ANKS1B: variants seen among roughly 807,000 people sequenced by gnomAD.
The protein encoded by ANKS1B is ankyrin repeat and sterile alpha motif domain containing 1B.
A neutral mutation model predicts 148.3 loss-of-function variants in ANKS1B; 36 were observed. The ratio of observed to expected loss-of-function variants is 0.24; its 90% CI spans 0.19 to 0.32. ANKS1B has a LOEUF of 0.32. ANKS1B is among the 10% of genes least tolerant of loss of function. ANKS1B has a pLI of 1.00. For missense variants in ANKS1B, 1,157 were observed against 1,542.6 expected (o/e 0.75, Z 4.19); for synonymous variants, 542 against 560.8 (o/e 0.97, Z 0.47).
intron 1 of ANKS1B, among the ~76,000 whole-genome samples, chr12:99,912,571 G>T (rs7303564): frequency 0.6 from 91,442 of 151,866 alleles, 28,616 homozygotes; most frequent in Middle Eastern, 0.7. Flanking sequence ...AGGCTGGTCT[G>T]GAACTCCCGG....
intron 17 of ANKS1B, among the ~76,000 whole-genome samples, chr12:98,993,962 A>G (rs901317151): frequency 6.6e-6 from 1 of 152,224 alleles, no homozygotes; most frequent in Non-Finnish European, 1.5e-5. Context: ...AGTTATGTTG[A>G]AAGTAATGAA....
intron 4 of ANKS1B, among the ~76,000 whole-genome samples, chr12:99,787,569 A>C (rs1395695139): frequency 6.6e-6 from 1 of 152,232 alleles, no homozygotes; most frequent in Non-Finnish European, 1.5e-5. Flanking sequence ...GCAAAATTGC[A>C]GAATATAAGC....
rs1196918578 is a variant in ANKS1B at position 98,876,252 on chromosome 12, T to C, written c.2779-44116A>G. Among the ~76,000 whole-genome samples, 3 of 152,200 alleles carry C rather than the reference T, an allele frequency of 2.0e-5. No homozygotes were observed. In the East Asian group the frequency reaches 5.8e-4, roughly 29 times the overall value. Reference sequence around the variant, plus strand: ...AGGCACCACATGTGGGATGCTCCCATGCCTTCATCCGTGCTGTTTCCTGTA... The same window carrying C: ...AGGCACCACATGTGGGATGCTCCCACGCCTTCATCCGTGCTGTTTCCTGTA... On this transcript the variant is annotated intron_variant, in intron 17 of 26. Transcript: ENST00000683438.
At chr12:99,497,078 TGAG>T (rs1595888093) in intron 10 of ANKS1B, among the ~76,000 whole-genome samples, 1 of 152,322 alleles carries the variant, frequency 6.6e-6, no homozygotes, top group Non-Finnish European at 1.5e-5. Flanking sequence ...GACTCCCTGT[TGAG>T]GAGGATTGGG....
At chr12:99,089,088 G>C (rs1180200373) in intron 15 of ANKS1B, among the ~76,000 whole-genome samples, 1 of 151,784 alleles carries the variant, frequency 6.6e-6, no homozygotes, top group Non-Finnish European at 1.5e-5. Context: ...GCCTCCCAAA[G>C]TGCTGGGATT....
At chr12:99,791,733 C>T (rs1406784501) in intron 4 of ANKS1B, among the ~76,000 whole-genome samples, 1 of 151,684 alleles carries the variant, frequency 6.6e-6, no homozygotes, top group Non-Finnish European at 1.5e-5. Flanking sequence ...CATACCAAAA[C>T]CTATGGGACA....
intron 8 of ANKS1B, among the ~76,000 whole-genome samples, chr12:99,697,860 T>C (rs1397922679): frequency 1.3e-5 from 2 of 152,200 alleles, no homozygotes; most frequent in African/African-American, 4.8e-5. Flanking sequence ...CTCTGTACTT[T>C]CTGCTAAACT....
chr12:99,107,139 A>T (rs2153692020), intron 15 of ANKS1B, among the ~76,000 whole-genome samples: 1 of 151,928 alleles, frequency 6.6e-6, no homozygotes, highest in Admixed American at 6.6e-5. Flanking sequence ...TATAAAATAC[A>T]TGCATCTTTA....
chr12:99,960,994 G>A lies in ANKS1B; in HGVS notation c.134+23110C>T, dbSNP rs1355208647. The stretch of plus-strand genomic sequence containing the variant: ...TGTAATCCCAGCATTTTGAGAGGCC[G>A]AGGCGGACGGATCATCTGAGGTCAG... On this transcript the variant is annotated intron_variant, in intron 1 of 26. Transcript: ENST00000683438. 5.3e-5 allele frequency among the ~76,000 whole-genome samples: 8 copies of A among 152,244 alleles called. No individual in the cohort carries two copies. The East Asian group carries it at 1.2e-3, about 22-fold the overall frequency.
At chr12:98,956,270 C>T (rs1859775786) in intron 17 of ANKS1B, 1 of 152,406 alleles carries the variant, frequency 6.6e-6, no homozygotes, top group South Asian at 2.1e-4. Flanking sequence ...TAGAACCCAT[C>T]TCCCCCCTCC....
intron 16 of ANKS1B, among the ~76,000 whole-genome samples, chr12:99,063,933 G>A (rs1236125351): frequency 6.6e-6 from 1 of 152,182 alleles, no homozygotes; most frequent in Non-Finnish European, 1.5e-5. Context: ...ATTAGACTCT[G>A]TTATGGATAC....
At chr12:98,894,087 G>A (rs898554339) in intron 17 of ANKS1B, among the ~76,000 whole-genome samples, 3 of 152,176 alleles carry the variant, frequency 2.0e-5, no homozygotes, top group Non-Finnish European at 4.4e-5. Flanking sequence ...ACATTGGAAA[G>A]TCCATGCCCA....
intron 1 of ANKS1B, among the ~76,000 whole-genome samples, chr12:99,874,928 C>G (rs1221267889): frequency 6.6e-6 from 1 of 152,262 alleles, no homozygotes; most frequent in Admixed American, 6.5e-5. Flanking sequence ...TACTTTGAAG[C>G]ACGTATTATA....
chr12:99,097,170 G>C (rs2056453573), intron 15 of ANKS1B: 2 of 152,174 alleles, frequency 1.3e-5, no homozygotes, highest in Admixed American at 6.5e-5. Flanking sequence ...TTAGTCTAAA[G>C]ATCACTAAGT....
At chr12:99,964,934 T>C (rs939642113) in intron 1 of ANKS1B, among the ~76,000 whole-genome samples, 1 of 152,120 alleles carries the variant, frequency 6.6e-6, no homozygotes, top group Non-Finnish European at 1.5e-5. Context: ...AGACGACTTA[T>C]CAAATAAGTA....
chr12:99,667,503 T>A (rs1030016318), intron 8 of ANKS1B, among the ~76,000 whole-genome samples: 4 of 152,194 alleles, frequency 2.6e-5, no homozygotes, highest in Non-Finnish European at 5.9e-5. Context: ...TATTTTAGGA[T>A]TTTCTATGTA....
At chr12:99,769,392 G>T (rs1257413280) in intron 8 of ANKS1B, among the ~76,000 whole-genome samples, 1 of 152,100 alleles carries the variant, frequency 6.6e-6, no homozygotes, top group Non-Finnish European at 1.5e-5. Flanking sequence ...GCCTCTCTAG[G>T]TAAATCTAAT....
intron 16 of ANKS1B, among the ~76,000 whole-genome samples, chr12:99,056,751 T>C (rs896046415): frequency 6.6e-6 from 1 of 152,210 alleles, no homozygotes; most frequent in Non-Finnish European, 1.5e-5. Context: ...ACACAGTCAA[T>C]ATCTTTGCTA....
At chr12:99,807,476 G>C (rs2153662824) in intron 3 of ANKS1B, among the ~76,000 whole-genome samples, 1 of 152,212 alleles carries the variant, frequency 6.6e-6, no homozygotes, top group Admixed American at 6.5e-5. Flanking sequence ...ATAGGTAGAT[G>C]GTGTATAGGT....
Sources: gnomAD v4.1 joint callset for allele counts (sites outside exome capture counted in the v4.1 genomes callset) on GRCh38, gnomAD v4.1.1 for gene constraint, MANE v1.5 for transcripts, NCBI Gene and HGNC (gene_info 2026-07-23, HGNC 2026-07-21) for gene names.